DCC: variants seen among roughly 807,000 people sequenced by gnomAD.
DCC encodes the protein DCC netrin 1 receptor.
Under a neutral mutation model 172.5 loss-of-function variants are expected in DCC, and 58 were observed. The ratio of observed to expected loss-of-function variants is 0.34; its 90% CI spans 0.27 to 0.42. DCC has a LOEUF of 0.42. DCC is among the 10% of genes least tolerant of loss of function. The pLI is 1.00. For synonymous variants in DCC, 709 were observed against 644.5 expected (o/e 1.10, Z -1.52); for missense variants, 1,740 against 1,791.0 (o/e 0.97, Z 0.51).
At chr18:53,152,571 A>G (rs1359738576) in intron 7 of DCC, among the ~76,000 whole-genome samples, 1 of 101,714 alleles carries the variant, frequency 9.8e-6, no homozygotes, top group Non-Finnish European at 1.9e-5. Flanking sequence ...ATTTTTAAAG[A>G]TGTTCTTAAA....
At chr18:53,161,903 T>A (rs2144410898) in intron 8 of DCC, among the ~76,000 whole-genome samples, 1 of 152,360 alleles carries the variant, frequency 6.6e-6, no homozygotes, top group African/African-American at 2.4e-5. Context: ...TATGATTTTA[T>A]ATTCTGAGCT....
At chr18:52,471,908 A>G (rs1054441220) in intron 1 of DCC, among the ~76,000 whole-genome samples, 5 of 152,192 alleles carry the variant, frequency 3.3e-5, no homozygotes, top group Non-Finnish European at 5.9e-5. Context: ...AGGGCAGAAA[A>G]CTGAAAAGGA....
chr18:53,127,359 C>G (rs187754017), intron 7 of DCC, among the ~76,000 whole-genome samples: 5 of 151,976 alleles, frequency 3.3e-5, no homozygotes, highest in African/African-American at 7.2e-5. Context: ...GCTTCCGATT[C>G]CCTCATACTT....
At chr18:53,081,394 C>T (rs545559117) in intron 7 of DCC, among the ~76,000 whole-genome samples, 1 of 151,922 alleles carries the variant, frequency 6.6e-6, no homozygotes, top group South Asian at 2.1e-4. Context: ...TTCATCATTC[C>T]AATATTTTTG....
intron 12 of DCC, among the ~76,000 whole-genome samples, chr18:53,252,139 A>T (rs1468738793): frequency 3.9e-5 from 6 of 151,970 alleles, no homozygotes; most frequent in Non-Finnish European, 5.9e-5. Context: ...TAATAAAAAC[A>T]TCAATTACGC....
At chr18:52,796,475 A>G (rs1362954117) in intron 2 of DCC, among the ~76,000 whole-genome samples, 1 of 152,052 alleles carries the variant, frequency 6.6e-6, no homozygotes, top group African/African-American at 2.4e-5. Context: ...ATGTAGGACT[A>G]TTTTAAACAT....
chr18:52,740,401 A>T (rs1176642038), intron 1 of DCC, among the ~76,000 whole-genome samples: 1 of 152,196 alleles, frequency 6.6e-6, no homozygotes, highest in Admixed American at 6.5e-5. Flanking sequence ...GAGACAAGAC[A>T]CAGTAAATAT....
chr18:53,156,706 G>C (rs1416271504), intron 7 of DCC, among the ~76,000 whole-genome samples: 1 of 151,844 alleles, frequency 6.6e-6, no homozygotes, highest in African/African-American at 2.4e-5. Flanking sequence ...AATGCCAATA[G>C]GTTATCTTTG....
chr18:53,415,455 G>C (rs1910255204), intron 20 of DCC, among the ~76,000 whole-genome samples: 1 of 151,952 alleles, frequency 6.6e-6, no homozygotes, highest in Non-Finnish European at 1.5e-5. Flanking sequence ...GATAATACTA[G>C]AGATTTACCT....
At chr18:52,550,861 GATCTTCACAACTTTTCTGT>G (rs1338767968) in intron 1 of DCC, among the ~76,000 whole-genome samples, 4 of 151,646 alleles carry the variant, frequency 2.6e-5, no homozygotes, top group Non-Finnish European at 5.9e-5. Context: ...AACTCTGTAC[GATCTTCACAACTTTTCTGT>G]AAATCTAAAA....
At chr18:52,381,697 A>C (rs1168776769) in intron 1 of DCC, among the ~76,000 whole-genome samples, 1 of 152,056 alleles carries the variant, frequency 6.6e-6, no homozygotes, top group Non-Finnish European at 1.5e-5. Flanking sequence ...GCAGATCCTC[A>C]ACTCTATAGG....
chr18:53,273,722 CTT>C (rs1466387276), intron 12 of DCC, among the ~76,000 whole-genome samples: 2 of 144,946 alleles, frequency 1.4e-5, no homozygotes, highest in African/African-American at 5.0e-5. Context: ...GGTCCTATCT[CTT>C]TCTGCTGCTT....
At chr18:53,429,183 T>C (rs1282347578) in intron 21 of DCC, among the ~76,000 whole-genome samples, 1 of 96,542 alleles carries the variant, frequency 1.0e-5, no homozygotes, top group Non-Finnish European at 2.4e-5. Flanking sequence ...CTTGTTGGCC[T>C]GGCAAAGTGT....
chr18:52,393,863 C>T (rs964081696), intron 1 of DCC, among the ~76,000 whole-genome samples: 1 of 152,068 alleles, frequency 6.6e-6, no homozygotes, highest in African/African-American at 2.4e-5. Flanking sequence ...TTAAAAATTA[C>T]TAGACTAGAT....
At chr18:53,295,327 T>C (rs1259368110) in intron 12 of DCC, among the ~76,000 whole-genome samples, 2 of 152,042 alleles carry the variant, frequency 1.3e-5, no homozygotes, top group Non-Finnish European at 2.9e-5. Context: ...TAGGAAAAAA[T>C]ATGGGCCTTT....
At chr18:52,622,162 T>A (rs1164009577) in intron 1 of DCC, among the ~76,000 whole-genome samples, 1 of 152,168 alleles carries the variant, frequency 6.6e-6, no homozygotes, top group Non-Finnish European at 1.5e-5. Flanking sequence ...CATTAATAAT[T>A]TAATTTCTGC....
intron 2 of DCC, among the ~76,000 whole-genome samples, chr18:52,867,325 T>C (rs1233981330): frequency 1.3e-5 from 2 of 152,206 alleles, no homozygotes; most frequent in Non-Finnish European, 2.9e-5. Flanking sequence ...ATCAGGGATA[T>C]TGGCTTGAAA....
chr18:52,414,774 C>A (rs147309486), intron 1 of DCC, among the ~76,000 whole-genome samples: 60 of 152,230 alleles, frequency 3.9e-4, no homozygotes, highest in African/African-American at 1.4e-3. Context: ...ATTATAGGAG[C>A]ACTATAAAAT....
At chr18:53,196,621 G>A (rs561856757) in intron 9 of DCC, among the ~76,000 whole-genome samples, 1 of 152,036 alleles carries the variant, frequency 6.6e-6, no homozygotes, top group Non-Finnish European at 1.5e-5. Flanking sequence ...TAATATCTAA[G>A]CATATACATA....
Sources: gnomAD v4.1 joint callset for allele counts (sites outside exome capture counted in the v4.1 genomes callset) on GRCh38, gnomAD v4.1.1 for gene constraint, MANE v1.5 for transcripts, NCBI Gene and HGNC (gene_info 2026-07-23, HGNC 2026-07-21) for gene names.